The following KCNIP1 variants were observed in gnomAD, a reference collection of about 807,000 sequenced individuals.
KCNIP1 encodes potassium voltage-gated channel interacting protein 1, also known as A-type potassium channel modulatory protein KCNIP1.
Under a neutral mutation model 33.0 loss-of-function variants are expected in KCNIP1, and 18 were observed. That is an observed-to-expected ratio of 0.55 (90% CI 0.38 to 0.81). KCNIP1 has a LOEUF of 0.81. Ranked by LOEUF, KCNIP1 falls within the 30% of genes least tolerant of loss-of-function variation. The pLI is 0.00. For missense variants in KCNIP1, 238 were observed against 271.6 expected (o/e 0.88, Z 0.87); for synonymous variants, 93 against 98.3 (o/e 0.95, Z 0.32).
chr5:170,470,215 CTCT>C (rs1374174061), intron 1 of KCNIP1, among the ~76,000 whole-genome samples: 1 of 152,176 alleles, frequency 6.6e-6, no homozygotes, highest in Non-Finnish European at 1.5e-5. Context: ...AGTAAAAGAG[CTCT>C]TCTTCACATC....
At chr5:170,670,543 A>G (rs1204505863) in intron 1 of KCNIP1, among the ~76,000 whole-genome samples, 1 of 152,088 alleles carries the variant, frequency 6.6e-6, no homozygotes, top group Non-Finnish European at 1.5e-5. Flanking sequence ...CCCTGCACCA[A>G]TTTGGTTAAC....
intron 1 of KCNIP1, among the ~76,000 whole-genome samples, chr5:170,640,166 G>T (rs1760482557): frequency 2.6e-5 from 4 of 152,222 alleles, no homozygotes; most frequent in Admixed American, 2.6e-4. Context: ...GAACAGGGAG[G>T]TCCAACGGTG....
intron 1 of KCNIP1, among the ~76,000 whole-genome samples, chr5:170,629,846 A>G (rs886109280): frequency 8.5e-5 from 13 of 152,232 alleles, no homozygotes; most frequent in African/African-American, 2.9e-4. Flanking sequence ...ACCACCACAC[A>G]AGATTCTCTA....
chr5:170,543,422 C>A (rs997685830), intron 1 of KCNIP1, among the ~76,000 whole-genome samples: 5 of 152,060 alleles, frequency 3.3e-5, no homozygotes, highest in African/African-American at 1.2e-4. Flanking sequence ...AAAAATAAGT[C>A]TTTTTTATTG....
chr5:170,619,399 A>T (rs1004067926), intron 1 of KCNIP1, among the ~76,000 whole-genome samples: 6 of 152,044 alleles, frequency 3.9e-5, no homozygotes, highest in African/African-American at 1.2e-4. Context: ...GCCCCTCCTA[A>T]GGGAGGTATG....
chr5:170,372,909 T>C (rs1189465523), intron 1 of KCNIP1, among the ~76,000 whole-genome samples: 1 of 152,090 alleles, frequency 6.6e-6, no homozygotes, highest in East Asian at 1.9e-4. Context: ...TAGGGGAGGT[T>C]GGTATGGAAT....
intron 1 of KCNIP1, among the ~76,000 whole-genome samples, chr5:170,635,418 T>G (rs545652968): frequency 1.3e-5 from 2 of 152,310 alleles, no homozygotes; most frequent in Non-Finnish European, 2.9e-5. Context: ...CAGAGATGCC[T>G]TCCCTCACTC....
Position 170,504,516 on chromosome 5 carries a change from C to T in KCNIP1, c.-57C>T. 1.2e-6 allele frequency: 2 copies of T among 1,607,656 alleles called. No homozygotes were observed. Among genetic ancestry groups the T allele is most frequent in the Non-Finnish European group, 1.7e-6 (2 of 1,179,440 alleles). On this transcript the variant is annotated 5_prime_UTR_variant, in exon 1 of 8. Coordinates refer to ENST00000328939, the MANE Select transcript of KCNIP1 (RefSeq NM_014592.4). This position sits in a 1 kb window ranked among gnomAD's most constrained non-coding sequence, Gnocchi z 6.0. ...TAGACAAACCACGGGGATTTCTTTC[C>T]AGGGTAGGGGAGGGGCCGGGCCCGG...
chr5:170,524,209 G>A lies in KCNIP1; in HGVS notation c.61+19576G>A, dbSNP rs561303388. 7.9e-5 allele frequency among the ~76,000 whole-genome samples: 12 copies of A among 152,204 alleles called. No homozygotes were observed. In the South Asian group the frequency reaches 8.3e-4, roughly 11 times the overall value. The stretch of plus-strand genomic sequence containing the variant: ...TTCCTTCACTCTCAGCACCAACTTG[G>A]CCCCTTCTGACTGTCCTGAAGACCC... On this transcript the variant is annotated intron_variant, in intron 1 of 7. Coordinates refer to ENST00000328939, the MANE Select transcript of KCNIP1 (RefSeq NM_014592.4).
chr5:170,648,477 G>C (rs1464726743), intron 1 of KCNIP1, among the ~76,000 whole-genome samples: 1 of 152,156 alleles, frequency 6.6e-6, no homozygotes, highest in Non-Finnish European at 1.5e-5. Context: ...CAAGCCAGTA[G>C]AAGGCATGGA....
intron 1 of KCNIP1, among the ~76,000 whole-genome samples, chr5:170,568,434 T>C (rs1394018286): frequency 1.3e-5 from 2 of 152,024 alleles, no homozygotes; most frequent in Admixed American, 6.6e-5. Flanking sequence ...ATCCCACTTA[T>C]GTGTCCTGGG....
intron 1 of KCNIP1, among the ~76,000 whole-genome samples, chr5:170,536,056 G>A (rs1305174090): frequency 3.3e-5 from 5 of 152,208 alleles, no homozygotes; most frequent in Non-Finnish European, 7.3e-5. Context: ...CTCCGTAAAG[G>A]CAGGATTTTG....
At chr5:170,435,066 G>A (rs1207986658) in intron 1 of KCNIP1, among the ~76,000 whole-genome samples, 1 of 152,236 alleles carries the variant, frequency 6.6e-6, no homozygotes, top group African/African-American at 2.4e-5. Context: ...TGGGGCAGAA[G>A]GGGCCAGCGT....
At chr5:170,656,083 G>A (rs901702849) in intron 1 of KCNIP1, among the ~76,000 whole-genome samples, 2 of 152,124 alleles carry the variant, frequency 1.3e-5, no homozygotes, top group Non-Finnish European at 2.9e-5. Flanking sequence ...CGCAAGCAGC[G>A]AGAGTAGCAC....
chr5:170,574,567 A>G lies in KCNIP1; in HGVS notation c.61+69934A>G, dbSNP rs574505207. ...GGCTCGCCAAGCACTTCCATACCACATGGTTTATTGCCTTGCATTTGTACG... is the reference window on the plus strand; with the variant it reads ...GGCTCGCCAAGCACTTCCATACCACGTGGTTTATTGCCTTGCATTTGTACG... On this transcript the variant is annotated intron_variant, in intron 1 of 7. Transcript: ENST00000328939. Among the ~76,000 whole-genome samples, 9 of 152,330 alleles carry G rather than the reference A, an allele frequency of 5.9e-5. No homozygotes were observed. The East Asian group carries it at 1.2e-3, about 20-fold the overall frequency.
intron 1 of KCNIP1, among the ~76,000 whole-genome samples, chr5:170,650,431 T>C (rs769114774): frequency 2.6e-5 from 4 of 152,114 alleles, no homozygotes; most frequent in Non-Finnish European, 5.9e-5. Context: ...CCACGCAGTA[T>C]GCATTCTTGT....
chr5:170,407,857 C>T (rs1238098213), intron 1 of KCNIP1, among the ~76,000 whole-genome samples: 2 of 150,902 alleles, frequency 1.3e-5, no homozygotes, highest in Non-Finnish European at 2.9e-5. Flanking sequence ...AAAACACTAC[C>T]TCATCTTCAG....
At chr5:170,573,170 C>T (rs1176286733) in intron 1 of KCNIP1, among the ~76,000 whole-genome samples, 1 of 152,168 alleles carries the variant, frequency 6.6e-6, no homozygotes, top group African/African-American at 2.4e-5. Context: ...ATTTCTTTTG[C>T]AGAAACTCGA....
intron 1 of KCNIP1, among the ~76,000 whole-genome samples, chr5:170,641,357 G>A (rs1332194741): frequency 1.3e-5 from 2 of 152,176 alleles, no homozygotes; most frequent in African/African-American, 4.8e-5. Context: ...CCTTTTCAGA[G>A]CCTGCCTCTT....
Sources: gnomAD v4.1 joint callset for allele counts (sites outside exome capture counted in the v4.1 genomes callset) on GRCh38, gnomAD v4.1.1 for gene constraint, Gnocchi (gnomAD v3.1) non-coding constraint, MANE v1.5 for transcripts, NCBI Gene and HGNC (gene_info 2026-07-23, HGNC 2026-07-21) for gene names.